The following RBFOX3 variants were observed in gnomAD, a reference collection of about 807,000 sequenced individuals.
RBFOX3 encodes RNA binding protein fox-1 homolog 3.
Under a neutral mutation model 48.7 loss-of-function variants are expected in RBFOX3, and 17 were observed. The ratio of observed to expected loss-of-function variants is 0.35; its 90% CI spans 0.24 to 0.52. The LOEUF (loss-of-function observed/expected upper bound fraction) is 0.52. Ranked by LOEUF, RBFOX3 falls within the 20% of genes least tolerant of loss-of-function variation. The pLI is 0.94. For missense variants in RBFOX3, 382 were observed against 497.5 expected, an observed-to-expected ratio of 0.77 and a Z score of 2.21; for synonymous variants, 212 against 209.5, an observed-to-expected ratio of 1.01 and a Z score of -0.10.
At chr17:79,517,848 G>A (rs1291011037) in intron 1 of RBFOX3, among the ~76,000 whole-genome samples, 2 of 152,150 alleles carry the variant, frequency 1.3e-5, no homozygotes, top group African/African-American at 4.8e-5. Context: ...TTCAGGAGCC[G>A]CCTCGCCTGT....
intron 3 of RBFOX3, among the ~76,000 whole-genome samples, chr17:79,264,578 C>T (rs2066359215): frequency 6.6e-6 from 1 of 152,168 alleles, no homozygotes; most frequent in Non-Finnish European, 1.5e-5. Context: ...TCATGTCACC[C>T]AGTTCGTGGT....
chr17:79,397,481 G>A (rs1156831437), intron 2 of RBFOX3, among the ~76,000 whole-genome samples: 2 of 148,488 alleles, frequency 1.3e-5, no homozygotes, highest in African/African-American at 5.0e-5. Flanking sequence ...CAACAGAGGA[G>A]GACTCCATCC....
chr17:79,569,822 T>C (rs1383379506), intron 1 of RBFOX3, among the ~76,000 whole-genome samples: 1 of 152,168 alleles, frequency 6.6e-6, no homozygotes, highest in Admixed American at 6.5e-5. Flanking sequence ...GAATTATGGA[T>C]GGATGGTGAA....
chr17:79,225,722 G>C (rs1456699113), intron 4 of RBFOX3, among the ~76,000 whole-genome samples: 1 of 152,208 alleles, frequency 6.6e-6, no homozygotes, highest in Non-Finnish European at 1.5e-5. Context: ...AGAGCCGGAG[G>C]GGGTACTGGG....
At chr17:79,578,072 T>A (rs2092922175) in intron 1 of RBFOX3, among the ~76,000 whole-genome samples, 1 of 152,220 alleles carries the variant, frequency 6.6e-6, no homozygotes, top group African/African-American at 2.4e-5. Flanking sequence ...CACTGCTGGC[T>A]TTCCGGATGG....
intron 2 of RBFOX3, among the ~76,000 whole-genome samples, chr17:79,395,588 C>T (rs149057651): frequency 1.3e-3 from 195 of 152,370 alleles, no homozygotes; most frequent in African/African-American, 4.5e-3. Context: ...TGGATGGTGA[C>T]AGCTGGCGCC....
chr17:79,520,689 C>T (rs929904711), intron 1 of RBFOX3, among the ~76,000 whole-genome samples: 3 of 152,242 alleles, frequency 2.0e-5, no homozygotes, highest in Admixed American at 2.0e-4. Flanking sequence ...GAGGCCAGCA[C>T]CTGCCACGGG....
chr17:79,483,236 T>C (rs2079020456), intron 1 of RBFOX3, among the ~76,000 whole-genome samples: 2 of 152,010 alleles, frequency 1.3e-5, no homozygotes, highest in South Asian at 2.1e-4. Context: ...CGTGCGCTCA[T>C]AGACAGCTTC....
chr17:79,531,392 C>T (rs1162370184), intron 1 of RBFOX3, among the ~76,000 whole-genome samples: 4 of 152,218 alleles, frequency 2.6e-5, no homozygotes, highest in African/African-American at 7.2e-5. Context: ...GGCAGCTTGG[C>T]GGCTAAGTGT....
In RBFOX3 at chr17:79,390,614, A is replaced by T. The variant is rs1391752752; in HGVS notation, c.-174-82790T>A. The stretch of plus-strand genomic sequence containing the variant: ...TGCCTCAGCCTCCCAAGTAGCTGGG[A>T]TTACAGGCGCCTGCCACCAAACCCA... On this transcript the variant is annotated intron_variant, in intron 2 of 14. Transcript: ENST00000693108. The surrounding 1 kb of genome is among the most constrained non-coding windows in gnomAD (Gnocchi z 4.2). Among the ~76,000 whole-genome samples the T allele has an allele frequency of 6.6e-6, 1 of 151,952 alleles. No homozygotes were observed. Among genetic ancestry groups the T allele is most frequent in the African/African-American group, 2.4e-5 (1 of 41,338 alleles).
intron 4 of RBFOX3, among the ~76,000 whole-genome samples, chr17:79,165,896 G>C (rs1237903948): frequency 6.6e-6 from 1 of 152,238 alleles, no homozygotes; most frequent in Non-Finnish European, 1.5e-5. Flanking sequence ...TCTGCCTGCA[G>C]CAGGGCTGGG....
intron 2 of RBFOX3, among the ~76,000 whole-genome samples, chr17:79,404,195 G>A (rs1206478533): frequency 2.0e-5 from 3 of 152,250 alleles, no homozygotes; most frequent in Non-Finnish European, 4.4e-5. Context: ...GAGGGGGAGA[G>A]AACAAGCTGG....
At chr17:79,606,171 G>A (rs1014367273) in intron 1 of RBFOX3, among the ~76,000 whole-genome samples, 36 of 152,280 alleles carry the variant, frequency 2.4e-4, no homozygotes, top group African/African-American at 7.0e-4. Context: ...CCAGAAGGAC[G>A]CCTGGGCCTG....
At chr17:79,292,427 G>A (rs1600457268) in intron 3 of RBFOX3, among the ~76,000 whole-genome samples, 1 of 152,228 alleles carries the variant, frequency 6.6e-6, no homozygotes, top group East Asian at 1.9e-4. Flanking sequence ...AGCAACCAGG[G>A]GACAAGGGGA....
chr17:79,323,600 C>T (rs1293621327), intron 2 of RBFOX3, among the ~76,000 whole-genome samples: 1 of 152,358 alleles, frequency 6.6e-6, no homozygotes, highest in Non-Finnish European at 1.5e-5. Flanking sequence ...CCTGCCCACC[C>T]AGCTGGACCT....
rs928152605 is a variant in RBFOX3 at position 79,524,612 on chromosome 17, T to G, written c.-319-42014A>C. 3.3e-3 allele frequency among the ~76,000 whole-genome samples: 503 copies of G among 152,256 alleles called. 7 individuals carry two copies. The highest frequency in any genetic ancestry group is 0.012 in the African/African-American group (485 of 41,544). Reference sequence around the variant, plus strand: ...CAACGTGCAGAACTGGGGGCTGGATTCTGCTGCCCCTGGCTGTGCTGGGAG... The same window carrying G: ...CAACGTGCAGAACTGGGGGCTGGATGCTGCTGCCCCTGGCTGTGCTGGGAG... On this transcript the variant is annotated intron_variant, in intron 1 of 14. Coordinates refer to ENST00000693108, the MANE Select transcript of RBFOX3 (RefSeq NM_001350451.2).
intron 1 of RBFOX3, among the ~76,000 whole-genome samples, chr17:79,590,247 TA>T (rs2093379150): frequency 6.6e-6 from 1 of 152,082 alleles, no homozygotes; most frequent in Admixed American, 6.5e-5. Context: ...TAGCACGCGG[TA>T]AGAGACAAGC....
At chr17:79,355,335 T>C (rs1252229734) in intron 2 of RBFOX3, among the ~76,000 whole-genome samples, 1 of 152,204 alleles carries the variant, frequency 6.6e-6, no homozygotes, top group Non-Finnish European at 1.5e-5. Context: ...GGCTGACTTC[T>C]GTTTTCAGCC....
intron 2 of RBFOX3, among the ~76,000 whole-genome samples, chr17:79,377,539 T>C (rs1311755417): frequency 2.0e-5 from 3 of 152,172 alleles, no homozygotes; most frequent in African/African-American, 4.8e-5. Context: ...GCACCCATGC[T>C]GTAGGTGCGG....
Sources: gnomAD v4.1 joint callset for allele counts (sites outside exome capture counted in the v4.1 genomes callset) on GRCh38, gnomAD v4.1.1 for gene constraint, Gnocchi (gnomAD v3.1) non-coding constraint, MANE v1.5 for transcripts, NCBI Gene and HGNC (gene_info 2026-07-23, HGNC 2026-07-21) for gene names.